PAN3: variants seen among roughly 807,000 people sequenced by gnomAD.
PAN3 encodes PAN2-PAN3 deadenylation complex subunit PAN3.
In PAN3, 19 loss-of-function variants were observed where a neutral mutation model predicts 96.2. The observed-to-expected ratio is 0.20, with a 90% CI of 0.14 to 0.29. The LOEUF is 0.29. Among genes scored for constraint, PAN3 ranks in the 10% least tolerant of loss-of-function variants. PAN3 has a pLI of 1.00. For synonymous variants in PAN3, 433 were observed against 406.6 expected (o/e 1.06, Z -0.78); for missense variants, 882 against 1,108.1 (o/e 0.80, Z 2.90).
At chr13:28,237,389 T>A (rs934686568) in intron 6 of PAN3, among the ~76,000 whole-genome samples, 6 of 152,156 alleles carry the variant, frequency 3.9e-5, no homozygotes, top group African/African-American at 1.4e-4. Context: ...AACTCAGAAA[T>A]GAACAGGCAA....
chr13:28,291,077 T>G (rs1163759469), intron 18 of PAN3, among the ~76,000 whole-genome samples: 1 of 152,132 alleles, frequency 6.6e-6, no homozygotes, highest in Non-Finnish European at 1.5e-5. Flanking sequence ...TGTGACAATA[T>G]TCTAAGTTTG....
intron 18 of PAN3, among the ~76,000 whole-genome samples, chr13:28,289,047 C>A (rs967349740): frequency 4.0e-5 from 6 of 151,704 alleles, no homozygotes; most frequent in Admixed American, 6.6e-5. Flanking sequence ...AGGATGGTCT[C>A]GATCTCCTGA....
chr13:28,186,666 A>G (rs1291436738), intron 4 of PAN3, among the ~76,000 whole-genome samples: 1 of 152,218 alleles, frequency 6.6e-6, no homozygotes, highest in Non-Finnish European at 1.5e-5. Context: ...AATAAAATGG[A>G]AACCTTTTGC....
At chr13:28,227,735 A>C (rs190916310) in intron 6 of PAN3, among the ~76,000 whole-genome samples, 5 of 152,350 alleles carry the variant, frequency 3.3e-5, no homozygotes, top group Admixed American at 3.3e-4. Flanking sequence ...AGTAGTAAAA[A>C]GGGAAGGATA....
At chr13:28,182,996 C>A (rs1177432702) in intron 4 of PAN3, among the ~76,000 whole-genome samples, 1 of 152,020 alleles carries the variant, frequency 6.6e-6, no homozygotes. Context: ...TATGGAATAA[C>A]AAAGACTAGA....
chr13:28,156,992 CAA>C (rs35448291), intron 1 of PAN3, among the ~76,000 whole-genome samples: 5 of 18,450 alleles, frequency 2.7e-4, no homozygotes, highest in South Asian at 2.6e-3. Context: ...GAGACCCTGT[CAA>C]AAAAAAAAAA....
At chr13:28,235,903 T>A (rs1435653472) in intron 6 of PAN3, among the ~76,000 whole-genome samples, 1 of 148,172 alleles carries the variant, frequency 6.7e-6, no homozygotes, top group African/African-American at 2.5e-5. Context: ...TTTTTTTTTT[T>A]ATGGAGTTGT....
chr13:28,249,477 C>A, intron 6 of PAN3, among the ~76,000 whole-genome samples: 1 of 151,586 alleles, frequency 6.6e-6, no homozygotes. Context: ...GAGGTGGAGT[C>A]TCACTCTGTT....
intron 7 of PAN3, among the ~76,000 whole-genome samples, chr13:28,257,189 G>C (rs1566234303): frequency 6.6e-6 from 1 of 152,074 alleles, no homozygotes; most frequent in South Asian, 2.1e-4. Flanking sequence ...AAGACCAAAA[G>C]AGGAAGAACA....
rs763986840 is a variant in PAN3 at position 28,266,864 on chromosome 13, C to T, written c.1561C>T (p.Arg521Trp). Residue 521 changes from arginine to tryptophan, a missense_variant, in exon 10 of 19, where the codon CGG (arginine) becomes TGG (tryptophan). Arg to Trp is a moderately radical substitution (Grantham distance 101, BLOSUM62 -3). Coordinates refer to ENST00000380958, the MANE Select transcript of PAN3 (RefSeq NM_175854.8). ...NSKDDLPYCL[R>W]RIHGFRLVNT... ...CAAAGATGATCTGCCATATTGCCTT[C>T]GGAGGATACATGGTAAGGAAGATAA... is the stretch of plus-strand genomic sequence containing the variant. The T allele has an allele frequency of 5.0e-6, 8 of 1,598,696 alleles. No homozygotes were observed. The highest frequency in any genetic ancestry group is 2.3e-5 in the South Asian group (2 of 87,942).
intron 15 of PAN3, among the ~76,000 whole-genome samples, chr13:28,278,408 C>T (rs558905655): frequency 4.3e-4 from 66 of 152,078 alleles, no homozygotes; most frequent in Non-Finnish European, 2.9e-5. Flanking sequence ...CCTAGGATGC[C>T]TCAAATAATT....
At chr13:28,291,412 A>C (rs943265504) in intron 18 of PAN3, among the ~76,000 whole-genome samples, 2 of 152,266 alleles carry the variant, frequency 1.3e-5, no homozygotes, top group Non-Finnish European at 2.9e-5. Context: ...ATCATATACT[A>C]GCATTTACAC....
At chr13:28,244,349 A>G (rs1883971525) in intron 6 of PAN3, among the ~76,000 whole-genome samples, 1 of 152,184 alleles carries the variant, frequency 6.6e-6, no homozygotes, top group African/African-American at 2.4e-5. Context: ...TTAAATATTT[A>G]GTCTGAATAT....
intron 4 of PAN3, among the ~76,000 whole-genome samples, chr13:28,184,238 ATTTG>A (rs1876170065): frequency 6.6e-6 from 1 of 152,068 alleles, no homozygotes; most frequent in South Asian, 2.1e-4. Flanking sequence ...GATTTTCCGT[ATTTG>A]TTCCAGATAA....
In PAN3 at chr13:28,138,961, G is replaced by C; in HGVS notation, c.304G>C (p.Ala102Pro). The change falls in exon 1 of 19, where the codon GCC becomes CCC. Residue 102 changes from alanine to proline, a missense_variant. Physicochemically the swap from Ala to Pro is conservative, Grantham distance 27 (BLOSUM62 -1). Coordinates refer to ENST00000380958, the MANE Select transcript of PAN3 (RefSeq NM_175854.8). ...GAPVAGFPPG[A>P]VAGGGAGPPP... is the part of the protein sequence containing the mutation. The stretch of plus-strand genomic sequence containing the variant: ...ACCCGTGGCCGGCTTTCCGCCGGGA[G>C]CCGTCGCGGGCGGGGGAGCTGGGCC... 8 of 1,292,230 alleles carry C rather than the reference G, an allele frequency of 6.2e-6. No individual in the cohort carries two copies. Among genetic ancestry groups the C allele is most frequent in the Non-Finnish European group, 7.8e-6 (8 of 1,020,536 alleles). 80.0% of individuals were successfully genotyped at this position (1,292,230 alleles called of 1,614,324 possible).
chr13:28,240,402 A>G (rs909108163), intron 6 of PAN3, among the ~76,000 whole-genome samples: 2 of 152,222 alleles, frequency 1.3e-5, no homozygotes, highest in African/African-American at 4.8e-5. Context: ...AAAATCCCAA[A>G]GCTGTGTCTG....
intron 6 of PAN3, among the ~76,000 whole-genome samples, chr13:28,232,892 A>G (rs1882724765): frequency 1.3e-5 from 2 of 152,172 alleles, no homozygotes; most frequent in Admixed American, 6.5e-5. Flanking sequence ...TGGGGAAATC[A>G]GGCCTCTATG....
intron 18 of PAN3, among the ~76,000 whole-genome samples, chr13:28,291,007 A>G (rs1465314148): frequency 1.3e-5 from 2 of 152,174 alleles, no homozygotes; most frequent in Non-Finnish European, 2.9e-5. Context: ...TGAAAATTTG[A>G]AGAAAATTCT....
chr13:28,275,313 G>T (rs77422873), intron 14 of PAN3, among the ~76,000 whole-genome samples: 71 of 152,296 alleles, frequency 4.7e-4, no homozygotes, highest in African/African-American at 1.7e-3. Context: ...AAAATCAGAT[G>T]TTATTTTTTA....
Sources: gnomAD v4.1 joint callset for allele counts (sites outside exome capture counted in the v4.1 genomes callset) on GRCh38, gnomAD v4.1.1 for gene constraint, MANE v1.5 for transcripts, NCBI Gene and HGNC (gene_info 2026-07-23, HGNC 2026-07-21) for gene names.